The following CELSR1 variants were observed in gnomAD, a reference collection of about 807,000 sequenced individuals.
CELSR1 encodes adhesion G protein-coupled receptor C1.
CELSR1 carries 110 observed loss-of-function variants against 249.1 expected under a neutral mutation model. That is an observed-to-expected ratio of 0.44 (90% CI 0.38 to 0.52). The LOEUF is 0.52. Among genes scored for constraint, CELSR1 ranks in the 20% least tolerant of loss-of-function variants. The pLI, the probability that CELSR1 is intolerant of heterozygous loss-of-function variation, is 0.00. For missense variants in CELSR1, 4,109 were observed against 4,296.4 expected, an observed-to-expected ratio of 0.96 and a Z score of 1.22; for synonymous variants, 2,113 against 1,900.0, an observed-to-expected ratio of 1.11 and a Z score of -2.92.
rs897906519 is a variant in CELSR1, at chr22:46,384,696, C to T, written c.6740-10G>A. On this transcript the variant is annotated splice_polypyrimidine_tract_variant and intron_variant, in intron 19 of 34. Transcript: ENST00000674500. ...ATGTCGACAGCAAGAACTGGGGGGA[C>T]AGTTCCTTTAATCAGACATAACTCC... The T allele has an allele frequency of 3.7e-6, 6 of 1,609,470 alleles. No homozygotes were observed. The highest frequency in any genetic ancestry group is 4.2e-6 in the Non-Finnish European group (5 of 1,178,006).
intron 5 of CELSR1, among the ~76,000 whole-genome samples, chr22:46,414,594 C>A (rs2079377106): frequency 6.6e-6 from 1 of 151,982 alleles, no homozygotes; most frequent in Non-Finnish European, 1.5e-5. Flanking sequence ...ACCGTCCACT[C>A]TCCCGCCTCT....
chr22:46,420,690 A>G (rs1411270835), intron 5 of CELSR1, among the ~76,000 whole-genome samples: 3 of 152,312 alleles, frequency 2.0e-5, no homozygotes, highest in Admixed American at 6.5e-5. Flanking sequence ...CTGCTCCTGT[A>G]AAGACCTAAT....
chr22:46,435,110 G>T (rs1202123995), intron 4 of CELSR1, among the ~76,000 whole-genome samples: 1 of 151,836 alleles, frequency 6.6e-6, no homozygotes, highest in Non-Finnish European at 1.5e-5. Flanking sequence ...ATGTTTAATG[G>T]CCTTGTCGAT....
rs774411678 is a variant in CELSR1 at position 46,399,921 on chromosome 22, C to A, written c.5227-19G>T. 1.2e-6 allele frequency: 2 copies of A among 1,612,742 alleles called. No homozygotes were observed. Among genetic ancestry groups the A allele is most frequent in the East Asian group, 2.2e-5 (1 of 44,872 alleles). ...TCAGGATCTGGAGCAGGGAGAGCCA[C>A]ACCGACTGATTGGTACAATGACAAT... On this transcript the variant is annotated intron_variant, in intron 9 of 34. Transcript: ENST00000674500. This position sits in a 1 kb window ranked among gnomAD's most constrained non-coding sequence, Gnocchi z 5.0.
Position 46,428,251 on chromosome 22 carries a change from G to C in CELSR1, c.4611+5142C>G, listed in dbSNP as rs979112591. On this transcript the variant is annotated intron_variant, in intron 5 of 34. Coordinates refer to ENST00000674500, the MANE Select transcript of CELSR1 (RefSeq NM_001378328.1). The surrounding 1 kb of genome is among the most constrained non-coding windows in gnomAD (Gnocchi z 5.7). ...CTCAGAATCACCAGAACCAGAGGAA[G>C]CCAAATTGCCGAGGCAGAGTCCCAA... Among the ~76,000 whole-genome samples the C allele has an allele frequency of 4.6e-5, 7 of 152,214 alleles. No homozygotes were observed. Among genetic ancestry groups the C allele is most frequent in the Admixed American group, 1.3e-4 (2 of 15,292 alleles).
chr22:46,499,030 A>C (rs1347579811), intron 1 of CELSR1, among the ~76,000 whole-genome samples: 1 of 151,736 alleles, frequency 6.6e-6, no homozygotes, highest in South Asian at 2.1e-4. Context: ...AAATACAAAA[A>C]TTAGCCAGGC....
In CELSR1 at chr22:46,536,822, G is replaced by GGTTCCGCAGAGCCGGGCACT. The variant is rs2080863229; in HGVS notation, c.348_349insAGTGCCCGGCTCTGCGGAAC (p.Arg117SerfsTer134). The GGTTCCGCAGAGCCGGGCACT allele has an allele frequency of 8.3e-7, 1 of 1,204,618 alleles. No homozygotes were observed. The highest frequency in any genetic ancestry group is 1.6e-5 in the African/African-American group (1 of 61,390). The allele number at this position is 1,204,618 out of a possible 1,614,324, so 74.6% of individuals were successfully genotyped here. A position where few individuals can be genotyped will look rare whatever the true frequency, so the allele number is the denominator to read the frequency against. On this transcript the variant is annotated frameshift_variant, in exon 1 of 35. Transcript: ENST00000674500. LOFTEE classifies it high-confidence loss of function. ...GCACCGGTTCCGCAGAGCCGGGCAC[G>GGTTCCGCAGAGCCGGGCACT]GGCTCCGCAGCCGGGAAGGTGCGTG...
intron 1 of CELSR1, among the ~76,000 whole-genome samples, chr22:46,478,616 C>A (rs2080234620): frequency 6.6e-6 from 1 of 151,652 alleles, no homozygotes; most frequent in Non-Finnish European, 1.5e-5. Context: ...GATCTCGGCT[C>A]ACTGCAACCT....
intron 2 of CELSR1, among the ~76,000 whole-genome samples, chr22:46,455,241 T>C (rs116130585): frequency 0.014 from 2,096 of 152,276 alleles, 43 homozygotes; most frequent in African/African-American, 0.047. Flanking sequence ...TTTCTCTTTT[T>C]CTTTTTTAGA....
intron 1 of CELSR1, among the ~76,000 whole-genome samples, chr22:46,531,745 C>T (rs563434524): frequency 1.3e-5 from 2 of 152,102 alleles, no homozygotes; most frequent in African/African-American, 4.8e-5. Context: ...ACTCAGCTCC[C>T]GGTTACCAGG....
chr22:46,390,849 A>G lies in CELSR1; in HGVS notation c.6250+337T>C, dbSNP rs2079082341. Among the ~76,000 whole-genome samples the G allele has an allele frequency of 6.6e-6, 1 of 152,180 alleles. No individual in the cohort carries two copies. Among genetic ancestry groups the G allele is most frequent in the Admixed American group, 6.5e-5 (1 of 15,274 alleles). ...TGGATTTTCCAGACGCCCCTCACAG[A>G]GTGGACACAGTCAATGTCCCCATTT... On this transcript the variant is annotated intron_variant, in intron 16 of 34. Coordinates refer to ENST00000674500, the MANE Select transcript of CELSR1 (RefSeq NM_001378328.1). The surrounding 1 kb of genome is among the most constrained non-coding windows in gnomAD (Gnocchi z 6.3).
In CELSR1 at chr22:46,468,385, C is replaced by CAAAAA. The variant is rs34099713; in HGVS notation, c.3545-4045_3545-4041dup. 1.8e-4 allele frequency among the ~76,000 whole-genome samples: 25 copies of CAAAAA among 141,772 alleles called. No individual in the cohort carries two copies. The highest frequency in any genetic ancestry group is 7.1e-5 in the Admixed American group (1 of 14,172). 93.0% of individuals were successfully genotyped at this position (141,772 alleles called of 152,430 possible). A position where few individuals can be genotyped will look rare whatever the true frequency, so the allele number is the denominator to read the frequency against. On this transcript the variant is annotated intron_variant, in intron 1 of 34. Coordinates refer to ENST00000674500, the MANE Select transcript of CELSR1 (RefSeq NM_001378328.1). The surrounding 1 kb of genome is among the most constrained non-coding windows in gnomAD (Gnocchi z 4.5). ...TGGGCAACAAAGCAAGACTCTGTCTCAAAAAAAAAAAAAAATGTGGTCCAT... is the reference window on the plus strand; with the variant it reads ...TGGGCAACAAAGCAAGACTCTGTCTCAAAAAAAAAAAAAAAAAAAATGTGGTCCAT...
rs558710471 is a variant in CELSR1 at position 46,381,258 on chromosome 22, G to T, written c.7089-303C>A. Among the ~76,000 whole-genome samples, 18 of 152,292 alleles carry T rather than the reference G, an allele frequency of 1.2e-4. No individual in the cohort carries two copies. The Middle Eastern group carries it at 0.01, about 86-fold the overall frequency. ...CATAATAGCTAATGGCAGAATCACAGGGGATGGTTTCAGTGTCCAGCAAAA... is the reference window on the plus strand; with the variant it reads ...CATAATAGCTAATGGCAGAATCACATGGGATGGTTTCAGTGTCCAGCAAAA... On this transcript the variant is annotated intron_variant, in intron 21 of 34. Transcript: ENST00000674500. The surrounding 1 kb of genome is among the most constrained non-coding windows in gnomAD (Gnocchi z 6.0).
In CELSR1 at chr22:46,526,894, A is replaced by C. The variant is rs968226774; in HGVS notation, c.3544+6733T>G. 6.6e-6 allele frequency among the ~76,000 whole-genome samples: 1 copy of C among 152,142 alleles called. No individual in the cohort carries two copies. Among genetic ancestry groups the C allele is most frequent in the Non-Finnish European group, 1.5e-5 (1 of 68,028 alleles). ...GACGCCCAGCCACACGGGGCCAAAA[A>C]TGGCCTCACGTCTTCTCACCAAAGC... On this transcript the variant is annotated intron_variant, in intron 1 of 34. Transcript: ENST00000674500. The surrounding 1 kb of genome is among the most constrained non-coding windows in gnomAD (Gnocchi z 4.7).
intron 2 of CELSR1, among the ~76,000 whole-genome samples, chr22:46,442,853 A>C (rs533774364): frequency 6.6e-6 from 1 of 152,036 alleles, no homozygotes. Flanking sequence ...GCATTTTGGG[A>C]GGCCAAGGCG....
intron 1 of CELSR1, among the ~76,000 whole-genome samples, chr22:46,492,123 C>T (rs993005906): frequency 6.6e-6 from 1 of 152,218 alleles, no homozygotes; most frequent in Non-Finnish European, 1.5e-5. Context: ...AGAAGCAGGA[C>T]GTTCCCTCGG....
chr22:46,466,682 C>T (rs2080099948), intron 1 of CELSR1, among the ~76,000 whole-genome samples: 1 of 152,218 alleles, frequency 6.6e-6, no homozygotes, highest in African/African-American at 2.4e-5. Flanking sequence ...AAAACCAATA[C>T]AGTCGACTCA....
chr22:46,508,344 A>T (rs949333914), intron 1 of CELSR1, among the ~76,000 whole-genome samples: 19 of 19,492 alleles, frequency 9.7e-4, no homozygotes, highest in Admixed American at 5.7e-3. Context: ...ATGGGGGTGG[A>T]GGGTGGGATG....
At chr22:46,388,905 C>T (rs992862055) in intron 18 of CELSR1, among the ~76,000 whole-genome samples, 5 of 152,204 alleles carry the variant, frequency 3.3e-5, no homozygotes, top group Admixed American at 1.3e-4. Flanking sequence ...TTTGGGCAAA[C>T]GCCTTAGCTC....
Sources: gnomAD v4.1 joint callset for allele counts (sites outside exome capture counted in the v4.1 genomes callset) on GRCh38, gnomAD v4.1.1 for gene constraint, Gnocchi (gnomAD v3.1) non-coding constraint, MANE v1.5 for transcripts, NCBI Gene and HGNC (gene_info 2026-07-23, HGNC 2026-07-21) for gene names.